DPP10: variants seen among roughly 807,000 people sequenced by gnomAD.
The protein encoded by DPP10 is dipeptidyl peptidase like 10.
DPP10 carries 33 observed loss-of-function variants against 120.9 expected under a neutral mutation model. The ratio of observed to expected loss-of-function variants is 0.27; its 90% CI spans 0.21 to 0.37. DPP10 has a LOEUF of 0.37. DPP10 is among the 10% of genes least tolerant of loss of function. DPP10 has a pLI of 1.00. For missense variants in DPP10, 816 were observed against 942.8 expected (o/e 0.87, Z 1.76); for synonymous variants, 337 against 326.1 (o/e 1.03, Z -0.36).
intron 1 of DPP10, among the ~76,000 whole-genome samples, chr2:114,824,185 A>G (rs1005455607): frequency 6.6e-6 from 1 of 152,252 alleles, no homozygotes; most frequent in Non-Finnish European, 1.5e-5. Context: ...AGCTCAAATC[A>G]GTCTGTGCTT....
intron 1 of DPP10, among the ~76,000 whole-genome samples, chr2:115,139,694 T>C (rs1233153677): frequency 8.8e-6 from 1 of 113,508 alleles, no homozygotes; most frequent in Non-Finnish European, 1.7e-5. Context: ...TAGCCTGCAA[T>C]TGGAAGGTAG....
intron 1 of DPP10, among the ~76,000 whole-genome samples, chr2:115,003,302 A>G (rs1288805406): frequency 6.6e-6 from 1 of 152,100 alleles, no homozygotes; most frequent in Non-Finnish European, 1.5e-5. Context: ...ACTTATGGGA[A>G]CTAATAAATG....
chr2:115,831,804 A>T (rs1688955039), intron 21 of DPP10, among the ~76,000 whole-genome samples: 1 of 152,218 alleles, frequency 6.6e-6, no homozygotes, highest in Non-Finnish European at 1.5e-5. Flanking sequence ...AAAATAACAT[A>T]AACTTGTTAA....
chr2:115,499,319 T>C (rs1397632905), intron 3 of DPP10, among the ~76,000 whole-genome samples, 191 bp from the exon 4 acceptor site: 1 of 152,076 alleles, frequency 6.6e-6, no homozygotes, highest in African/African-American at 2.4e-5. Flanking sequence ...CATTGCACAA[T>C]AGACCATGTG....
chr2:115,435,868 A>G (rs1331662983), intron 3 of DPP10, among the ~76,000 whole-genome samples: 1 of 151,908 alleles, frequency 6.6e-6, no homozygotes, highest in Non-Finnish European at 1.5e-5. Flanking sequence ...TTGATTTTGT[A>G]TATGGTGAGA....
chr2:115,050,157 A>C (rs1167545129), intron 1 of DPP10: 1 of 152,226 alleles, frequency 6.6e-6, no homozygotes, highest in Non-Finnish European at 1.5e-5. Flanking sequence ...GAATTCTGAA[A>C]ACTAACTAAG....
chr2:115,113,936 A>G (rs1432224385), intron 1 of DPP10, among the ~76,000 whole-genome samples: 1 of 152,200 alleles, frequency 6.6e-6, no homozygotes, highest in African/African-American at 2.4e-5. Context: ...AACAGAGTCT[A>G]GAAGCTGGGG....
intron 5 of DPP10, among the ~76,000 whole-genome samples, chr2:115,612,399 A>G (rs769994228): frequency 9.2e-5 from 14 of 152,110 alleles, no homozygotes; most frequent in Non-Finnish European, 1.9e-4. Flanking sequence ...CTAATCAACT[A>G]TTTGCAGGAT....
chr2:115,503,505 C>T (rs2166906), intron 4 of DPP10, among the ~76,000 whole-genome samples: 32,277 of 151,998 alleles, frequency 0.21, 3,938 homozygotes, highest in East Asian at 0.39. Context: ...AACAAAGGCA[C>T]CGACAATTGT....
intron 1 of DPP10, among the ~76,000 whole-genome samples, chr2:115,304,313 G>A (rs2061271340): frequency 6.6e-6 from 1 of 151,982 alleles, no homozygotes; most frequent in Admixed American, 6.6e-5. Context: ...AAGAAAGTGA[G>A]TAAATAAGCT....
chr2:114,928,556 C>G (rs1340585390), intron 1 of DPP10, among the ~76,000 whole-genome samples: 2 of 152,178 alleles, frequency 1.3e-5, no homozygotes, highest in African/African-American at 4.8e-5. Flanking sequence ...TGGCTGGCTG[C>G]TGTCATGGGT....
intron 5 of DPP10, among the ~76,000 whole-genome samples, chr2:115,611,608 TTCA>T (rs1266970678): frequency 6.6e-6 from 1 of 152,204 alleles, no homozygotes; most frequent in African/African-American, 2.4e-5. Context: ...TCCTCCGTGC[TTCA>T]TCTACTGTAG....
At chr2:115,482,227 T>C (rs910527209) in intron 3 of DPP10, among the ~76,000 whole-genome samples, 2 of 151,890 alleles carry the variant, frequency 1.3e-5, no homozygotes, top group African/African-American at 4.8e-5. Context: ...CCTTTTATTT[T>C]TTAAAAATAA....
chr2:114,627,614 G>A (rs1291652327), intron 1 of DPP10, among the ~76,000 whole-genome samples: 1 of 151,988 alleles, frequency 6.6e-6, no homozygotes, highest in Admixed American at 6.6e-5. Flanking sequence ...ATTTTTTTTA[G>A]GTAGGGGGAG....
chr2:115,469,086 C>T (rs991835777), intron 3 of DPP10: 11 of 170,574 alleles, frequency 6.4e-5, no homozygotes, highest in African/African-American at 1.9e-4. Flanking sequence ...CCACCATGCC[C>T]GGCTAATTTT....
chr2:115,609,486 G>C (rs142956254), intron 5 of DPP10, among the ~76,000 whole-genome samples: 99 of 152,158 alleles, frequency 6.5e-4, no homozygotes, highest in Admixed American at 2.4e-3. Context: ...CAGTCCCAGA[G>C]AGTAACTAAC....
rs1182862724 is a variant in DPP10 at position 114,482,910 on chromosome 2, G to C, written c.60+40072G>C. 2.6e-5 allele frequency among the ~76,000 whole-genome samples: 4 copies of C among 152,160 alleles called. No individual in the cohort carries two copies. The East Asian group carries it at 7.7e-4, about 29-fold the overall frequency. On this transcript the variant is annotated intron_variant, in intron 1 of 25. Coordinates refer to ENST00000410059, the MANE Select transcript of DPP10 (RefSeq NM_020868.6). ...CAAGTTCACTCCTTGAGTAAGCAAAGTCTCCACAACATCTGCATATTTGTG... is the reference window on the plus strand; with the variant it reads ...CAAGTTCACTCCTTGAGTAAGCAAACTCTCCACAACATCTGCATATTTGTG...
intron 1 of DPP10, among the ~76,000 whole-genome samples, chr2:114,845,935 G>C (rs991685012): frequency 6.6e-6 from 1 of 152,008 alleles, no homozygotes; most frequent in African/African-American, 2.4e-5. Flanking sequence ...AGCTTGGGGA[G>C]TTATGTGCTA....
At chr2:115,733,096 T>TC (rs1375814940) in intron 8 of DPP10, among the ~76,000 whole-genome samples, 2 of 152,160 alleles carry the variant, frequency 1.3e-5, no homozygotes, top group African/African-American at 4.8e-5. Context: ...GTGTTGGTAT[T>TC]CAAGAATGAC....
Sources: allele counts gnomAD v4.1 joint callset (sites outside exome capture counted in the v4.1 genomes callset), GRCh38; gene constraint gnomAD v4.1.1; transcripts MANE v1.5; gene names NCBI Gene and HGNC (gene_info 2026-07-23, HGNC 2026-07-21).